Variants in HSCB observed in about 807,000 individuals in gnomAD.
HSCB encodes the protein iron-sulfur cluster co-chaperone protein HscB.
In HSCB, 23 loss-of-function variants were observed where a neutral mutation model predicts 31.3. That is an observed-to-expected ratio of 0.74 (90% CI 0.53 to 1.04). The LOEUF (loss-of-function observed/expected upper bound fraction) is 1.04. Among genes scored for constraint, HSCB ranks in the 50% least tolerant of loss-of-function variants. The pLI, the probability that HSCB is intolerant of heterozygous loss-of-function variation, is 0.00. For synonymous variants in HSCB, 110 were observed against 104.5 expected (o/e 1.05, Z -0.32); for missense variants, 297 against 288.1 (o/e 1.03, Z -0.22).
intron 4 of HSCB, among the ~76,000 whole-genome samples, chr22:28,749,823 G>A (rs188136126): frequency 1.7e-3 from 252 of 152,226 alleles, no homozygotes; most frequent in African/African-American, 5.7e-3. Context: ...TGAGGGCAGC[G>A]TGCTACTGAC....
intron 5 of HSCB, among the ~76,000 whole-genome samples, chr22:28,755,336 G>A (rs1042685480): frequency 6.6e-6 from 1 of 151,834 alleles, no homozygotes; most frequent in African/African-American, 2.4e-5. Context: ...CGTGAACCGG[G>A]GAGGCAGAGT....
At chr22:28,755,148 C>T (rs577025886) in intron 5 of HSCB, among the ~76,000 whole-genome samples, 1 of 149,324 alleles carries the variant, frequency 6.7e-6, no homozygotes, top group African/African-American at 2.4e-5. Context: ...CGGTGGCTCA[C>T]GCCTGTAATC....
intron 5 of HSCB, among the ~76,000 whole-genome samples, chr22:28,754,231 C>T (rs1332246578): frequency 1.3e-5 from 2 of 152,120 alleles, no homozygotes; most frequent in Non-Finnish European, 2.9e-5. Flanking sequence ...AGGACAAATA[C>T]TATATAATTC....
At chr22:28,751,858 G>A (rs951170489) in intron 5 of HSCB, among the ~76,000 whole-genome samples, 1 of 152,040 alleles carries the variant, frequency 6.6e-6, no homozygotes, top group African/African-American at 2.4e-5. Flanking sequence ...GGGAGGGTGA[G>A]GTGGGCAGAT....
chr22:28,750,945 C>CTTTTTTTTTTTTTTTTT (rs758451182), intron 4 of HSCB, among the ~76,000 whole-genome samples: 1,060 of 56,350 alleles, frequency 0.019, 146 homozygotes, highest in East Asian at 0.035. Flanking sequence ...ATATCTTTGT[C>CTTTTTTTTTTTTTTTTT]TTTTTTTTTT....
At chr22:28,752,907 C>T (rs571625669) in intron 5 of HSCB, among the ~76,000 whole-genome samples, 14 of 151,104 alleles carry the variant, frequency 9.3e-5, no homozygotes, top group Middle Eastern at 3.6e-3. Context: ...GGTGGAACCC[C>T]GTCTCTACTA....
At chr22:28,746,925 G>A (rs1000230246) in intron 4 of HSCB, among the ~76,000 whole-genome samples, 2 of 151,622 alleles carry the variant, frequency 1.3e-5, no homozygotes, top group Admixed American at 6.6e-5. Context: ...TCAGCCAAGC[G>A]TGGAGGTGCG....
At chr22:28,749,400 T>C (rs2030070986) in intron 4 of HSCB, among the ~76,000 whole-genome samples, 1 of 152,150 alleles carries the variant, frequency 6.6e-6, no homozygotes, top group African/African-American at 2.4e-5. Flanking sequence ...AATCATCACT[T>C]CCTCAGAGAA....
At chr22:28,750,291 C>T (rs1303411901) in intron 4 of HSCB, among the ~76,000 whole-genome samples, 4 of 148,314 alleles carry the variant, frequency 2.7e-5, no homozygotes, top group African/African-American at 9.9e-5. Flanking sequence ...TATTCTAGCC[C>T]TATAGTAAAC....
At chr22:28,750,293 A>T (rs2030145347) in intron 4 of HSCB, among the ~76,000 whole-genome samples, 1 of 150,042 alleles carries the variant, frequency 6.7e-6, no homozygotes, top group Non-Finnish European at 1.5e-5. Flanking sequence ...TTCTAGCCCT[A>T]TAGTAAACAT....
At position 28,757,378 on chromosome 22, in the gene HSCB, G is replaced by C; in HGVS notation, c.*209G>C. 1 of 405,256 alleles carries C rather than the reference G, an allele frequency of 2.5e-6. No individual in the cohort carries two copies. The highest frequency in any genetic ancestry group is 4.6e-6 in the Non-Finnish European group (1 of 215,788). 25.1% of individuals were successfully genotyped at this position (405,256 alleles called of 1,614,324 possible). On this transcript the variant is annotated 3_prime_UTR_variant, in exon 6 of 6. Transcript: ENST00000216027. ...CGCGTGCCTGTAATCCCAGCTACTT[G>C]GTAGGCCGAGGCAGGAGAATCGCTT...
intron 4 of HSCB, 113 bp from the exon 5 acceptor site, chr22:28,751,128 C>A: frequency 1.5e-6 from 1 of 662,584 alleles, no homozygotes; most frequent in Non-Finnish European, 2.6e-6. Context: ...CCCTTGAATA[C>A]AAACTTCCTC....
chr22:28,756,205 G>A (rs1358296843), intron 5 of HSCB, among the ~76,000 whole-genome samples: 1 of 150,112 alleles, frequency 6.7e-6, no homozygotes, highest in Admixed American at 6.7e-5. Context: ...CTGAGATCAC[G>A]CCACTGTACT....
At chr22:28,751,374 A>C in intron 5 of HSCB, 86 bp downstream of exon 5, 1 of 725,572 alleles carries the variant, frequency 1.4e-6, no homozygotes. Flanking sequence ...TAGCTATTAT[A>C]TACCTTCCTA....
chr22:28,751,004 T>C (rs1167762325), intron 4 of HSCB, among the ~76,000 whole-genome samples: 1 of 148,628 alleles, frequency 6.7e-6, no homozygotes, highest in African/African-American at 2.5e-5. Flanking sequence ...GCCTTGGTGA[T>C]TGCTCCTTAG....
At chr22:28,746,568 C>T (rs943287766) in intron 4 of HSCB, among the ~76,000 whole-genome samples, 4 of 151,436 alleles carry the variant, frequency 2.6e-5, no homozygotes, top group Admixed American at 1.3e-4. Flanking sequence ...GCCTGGGCAA[C>T]GTGGCGAAAC....
At chr22:28,751,563 C>T (rs6005859) in intron 5 of HSCB, among the ~76,000 whole-genome samples, 39,726 of 151,904 alleles carry the variant, frequency 0.26, 5,474 homozygotes, top group African/African-American at 0.34. Context: ...CTGGCTAACA[C>T]GGTGAAACTC....
chr22:28,751,246 CAG>C lies in HSCB; in HGVS notation c.576_577del (p.Lys193ArgfsTer4), dbSNP rs776687150. Reference sequence around the variant, plus strand: ...AGAATGGTTTTCTTTTTCAGCTAAACAGAAAGAATTTACTGACAATGTGAGCA... The same window carrying C: ...AGAATGGTTTTCTTTTTCAGCTAAACAAAGAATTTACTGACAATGTGAGCA... ...KEIESIVKAKQKEFTDNVSSA... is the reference protein window; with the variant it reads ...KEIESIVKAKXKEFTDNVSSA... On this transcript the variant is annotated frameshift_variant, in exon 5 of 6. Coordinates refer to ENST00000216027, the MANE Select transcript of HSCB (RefSeq NM_172002.5). LOFTEE classifies it high-confidence loss of function. The C allele has an allele frequency of 8.8e-6, 14 of 1,593,018 alleles. No individual in the cohort carries two copies. Among genetic ancestry groups the C allele is most frequent in the East Asian group, 4.5e-5 (2 of 44,622 alleles).
Position 28,750,945 on chromosome 22 carries a change from C to CTTTTTTTTTTTTTTTTTTTTTTT in HSCB, c.569-294_569-272dup, listed in dbSNP as rs758451182. ...GGAGATAATCAAAGTATATCTTTGT[C>CTTTTTTTTTTTTTTTTTTTTTTT]TTTTTTTTTTTTTTTTTTTTTTTTA... On this transcript the variant is annotated intron_variant, in intron 4 of 5. Transcript: ENST00000216027. Among the ~76,000 whole-genome samples, 226 of 56,444 alleles carry CTTTTTTTTTTTTTTTTTTTTTTT rather than the reference C, an allele frequency of 4.0e-3. 30 individuals are homozygous for CTTTTTTTTTTTTTTTTTTTTTTT. Among genetic ancestry groups the CTTTTTTTTTTTTTTTTTTTTTTT allele is most frequent in the Non-Finnish European group, 4.7e-3 (146 of 30,932 alleles). 37.0% of individuals were successfully genotyped at this position (56,444 alleles called of 152,430 possible). A position where few individuals can be genotyped will look rare whatever the true frequency, so the allele number is the denominator to read the frequency against.
Sources: gnomAD v4.1 joint callset for allele counts (sites outside exome capture counted in the v4.1 genomes callset) on GRCh38, gnomAD v4.1.1 for gene constraint, MANE v1.5 for transcripts, NCBI Gene and HGNC (gene_info 2026-07-23, HGNC 2026-07-21) for gene names.